The following KCNQ1 variants were observed in gnomAD, a reference collection of about 807,000 sequenced individuals.
The protein encoded by KCNQ1 is potassium voltage-gated channel subfamily Q member 1.
KCNQ1 carries 49 observed loss-of-function variants against 72.4 expected under a neutral mutation model. The observed-to-expected ratio is 0.68, with a 90% confidence interval of 0.54 to 0.86. The LOEUF (loss-of-function observed/expected upper bound fraction) is 0.86. Among genes scored for constraint, KCNQ1 ranks in the 40% least tolerant of loss-of-function variants. KCNQ1 has a pLI of 0.00. For synonymous variants in KCNQ1, 450 were observed against 412.6 expected, an observed-to-expected ratio of 1.09 and a Z score of -1.10; for missense variants, 790 against 945.1, an observed-to-expected ratio of 0.84 and a Z score of 2.15.
Position 2,550,361 on chromosome 11 carries a change from G to A in KCNQ1, c.478-20267G>A, listed in dbSNP as rs535503447. ...GTCACCCCTCACACCCCCTGCTAGG[G>A]TCCCTCTGGGGGTTGAATGAAAAGG... On this transcript the variant is annotated intron_variant, in intron 2 of 15. Transcript: ENST00000155840. This position sits in a 1 kb window ranked among gnomAD's most constrained non-coding sequence, Gnocchi z 6.0. Among the ~76,000 whole-genome samples the A allele has an allele frequency of 6.6e-6, 1 of 152,298 alleles. No individual in the cohort carries two copies. Among genetic ancestry groups the A allele is most frequent in the South Asian group, 2.1e-4 (1 of 4,826 alleles).
In KCNQ1 at chr11:2,781,570, C is replaced by G. The variant is rs1003298251; in HGVS notation, c.1794+3533C>G. Among the ~76,000 whole-genome samples the G allele has an allele frequency of 2.6e-5, 4 of 152,230 alleles. No homozygotes were observed. The highest frequency in any genetic ancestry group is 1.3e-4 in the Admixed American group (2 of 15,284). On this transcript the variant is annotated intron_variant, in intron 15 of 15. Coordinates refer to ENST00000155840, the MANE Select transcript of KCNQ1 (RefSeq NM_000218.3). The surrounding 1 kb of genome is among the most constrained non-coding windows in gnomAD (Gnocchi z 6.6). ...TGAAGTCCCACACAGGGCTGGCAGT[C>G]TGTGTGGGGGCTGCATACCCCAGAC...
At chr11:2,635,856 T>A (rs1306458036) in intron 10 of KCNQ1, 1 of 152,164 alleles carries the variant, frequency 6.6e-6, no homozygotes, top group African/African-American at 2.4e-5. Flanking sequence ...TCTTTTATTT[T>A]GTTCAGCAGT....
At chr11:2,558,425 CG>C (rs57907758) in intron 2 of KCNQ1, among the ~76,000 whole-genome samples, 1 of 152,058 alleles carries the variant, frequency 6.6e-6, no homozygotes, top group African/African-American at 2.4e-5. Context: ...GGTCTCCAGG[CG>C]GGGGGGTCCA....
At chr11:2,591,445 G>A (rs559978634) in intron 10 of KCNQ1, among the ~76,000 whole-genome samples, 5 of 152,320 alleles carry the variant, frequency 3.3e-5, no homozygotes, top group African/African-American at 9.6e-5. Flanking sequence ...CGCTGGAGCC[G>A]GCACAAAGGG....
chr11:2,814,069 A>G (rs1847552885), intron 15 of KCNQ1, among the ~76,000 whole-genome samples: 1 of 148,246 alleles, frequency 6.7e-6, no homozygotes, highest in African/African-American at 2.5e-5. Flanking sequence ...ATGAATGGTT[A>G]AAGAGGTGGA....
rs534958568 is a variant in KCNQ1, at chr11:2,664,916, C to G, written c.1514+2835C>G. On this transcript the variant is annotated intron_variant, in intron 11 of 15. Coordinates refer to ENST00000155840, the MANE Select transcript of KCNQ1 (RefSeq NM_000218.3). The surrounding 1 kb of genome is among the most constrained non-coding windows in gnomAD (Gnocchi z 5.1). The stretch of plus-strand genomic sequence containing the variant: ...CATTTTGTTTCCATCTCGAGCTCTC[C>G]CCGCCCGCAGGGCCCCAGAGAGGTG... 7.5e-6 allele frequency: 3 copies of G among 398,626 alleles called. No homozygotes were observed. The East Asian group carries it at 1.1e-4, about 14-fold the overall frequency. 24.7% of individuals were successfully genotyped at this position (398,626 alleles called of 1,614,324 possible).
Position 2,849,105 on chromosome 11 carries a change from A to G in KCNQ1, c.*1102A>G. The G allele has an allele frequency of 4.4e-6, 2 of 452,944 alleles. No individual in the cohort carries two copies. The highest frequency in any genetic ancestry group is 3.1e-5 in the South Asian group (2 of 64,452). 28.1% of individuals were successfully genotyped at this position (452,944 alleles called of 1,614,324 possible). A position where few individuals can be genotyped will look rare whatever the true frequency, so the allele number is the denominator to read the frequency against. On this transcript the variant is annotated 3_prime_UTR_variant, in exon 16 of 16. Coordinates refer to ENST00000155840, the MANE Select transcript of KCNQ1 (RefSeq NM_000218.3). ...GTGCCCAGGTGGCTGTGGAATAGGA[A>G]CGCTATGTCCGTGTACTGAGGAGTA...
In KCNQ1 at chr11:2,477,330, T is replaced by TAA. The variant is rs1846585170; in HGVS notation, c.386+31847_386+31848insAA. 6.6e-6 allele frequency among the ~76,000 whole-genome samples: 1 copy of TAA among 152,222 alleles called. No homozygotes were observed. Among genetic ancestry groups the TAA allele is most frequent in the Non-Finnish European group, 1.5e-5 (1 of 68,038 alleles). On this transcript the variant is annotated intron_variant, in intron 1 of 15. Transcript: ENST00000155840. This position sits in a 1 kb window ranked among gnomAD's most constrained non-coding sequence, Gnocchi z 5.0. Reference sequence around the variant, plus strand: ...GGGATCAAAGGTAGGAAATGCTCTTTACAAAGTCATCAAAAAGTTTTTTCT... The same window carrying TAA: ...GGGATCAAAGGTAGGAAATGCTCTTTAAACAAAGTCATCAAAAAGTTTTTTCT...
chr11:2,724,355 G>C lies in KCNQ1; in HGVS notation c.1515-44489G>C, dbSNP rs927705217. ...CAGGAGTGACAGCGTCCTCCCGCCC[G>C]GATTGGGTTTCTGCACAGTGGAATG... On this transcript the variant is annotated intron_variant, in intron 11 of 15. Coordinates refer to ENST00000155840, the MANE Select transcript of KCNQ1 (RefSeq NM_000218.3). The surrounding 1 kb of genome is among the most constrained non-coding windows in gnomAD (Gnocchi z 6.8). Among the ~76,000 whole-genome samples the C allele has an allele frequency of 6.6e-6, 1 of 152,162 alleles. No homozygotes were observed. The highest frequency in any genetic ancestry group is 1.5e-5 in the Non-Finnish European group (1 of 68,006).
chr11:2,635,719 G>A (rs1849453892), intron 10 of KCNQ1: 1 of 152,168 alleles, frequency 6.6e-6, no homozygotes, highest in Non-Finnish European at 1.5e-5. Flanking sequence ...ATTCTGTGAA[G>A]AAAGTCATTG....
At chr11:2,590,092 G>A (rs977986726) in intron 10 of KCNQ1, among the ~76,000 whole-genome samples, 1 of 152,194 alleles carries the variant, frequency 6.6e-6, no homozygotes, top group Non-Finnish European at 1.5e-5. Context: ...AAATTCTCTA[G>A]CAGCTCTCTT....
At chr11:2,760,979 G>A (rs868639465) in intron 11 of KCNQ1, among the ~76,000 whole-genome samples, 6 of 152,232 alleles carry the variant, frequency 3.9e-5, no homozygotes, top group Admixed American at 6.5e-5. Context: ...GACAGCTTGC[G>A]TTAGTCAGCT....
rs923098690 is a variant in KCNQ1 at position 2,446,849 on chromosome 11, C to T, written c.386+1365C>T. Among the ~76,000 whole-genome samples, 19 of 152,308 alleles carry T rather than the reference C, an allele frequency of 1.2e-4. No individual in the cohort carries two copies. The highest frequency in any genetic ancestry group is 2.1e-4 in the South Asian group (1 of 4,832). On this transcript the variant is annotated intron_variant, in intron 1 of 15. Transcript: ENST00000155840. The surrounding 1 kb of genome is among the most constrained non-coding windows in gnomAD (Gnocchi z 8.8). ...CTGGCTCTGCTCGTGGCTGCAACAG[C>T]GGGGGCTCGGCTTGGGGTTTGGGAG... is the stretch of plus-strand genomic sequence containing the variant.
chr11:2,817,932 G>A lies in KCNQ1; in HGVS notation c.1795-29835G>A, dbSNP rs1200454080. Among the ~76,000 whole-genome samples the A allele has an allele frequency of 6.6e-6, 1 of 152,154 alleles. No individual in the cohort carries two copies. Among genetic ancestry groups the A allele is most frequent in the Non-Finnish European group, 1.5e-5 (1 of 68,040 alleles). ...CACATTTGCATTTTAAAAGCCCTGA[G>A]AAGGCCTGCAGTGAAAAAAACTAAC... On this transcript the variant is annotated intron_variant, in intron 15 of 15. Coordinates refer to ENST00000155840, the MANE Select transcript of KCNQ1 (RefSeq NM_000218.3). This position sits in a 1 kb window ranked among gnomAD's most constrained non-coding sequence, Gnocchi z 6.1.
intron 15 of KCNQ1, among the ~76,000 whole-genome samples, chr11:2,780,074 C>T (rs79171114): frequency 0.02 from 3,106 of 152,244 alleles, 110 homozygotes; most frequent in African/African-American, 0.07. Context: ...AGTCCTCTGC[C>T]TGGGGTCTCT....
Position 2,818,278 on chromosome 11 carries a change from G to A in KCNQ1, c.1795-29489G>A, listed in dbSNP as rs755486837. On this transcript the variant is annotated intron_variant, in intron 15 of 15. Coordinates refer to ENST00000155840, the MANE Select transcript of KCNQ1 (RefSeq NM_000218.3). The surrounding 1 kb of genome is among the most constrained non-coding windows in gnomAD (Gnocchi z 7.2). Reference sequence around the variant, plus strand: ...TTGTGCCCTTGTCACCCACTCCTGTGGGTACACAGCTTCCCTTTCTGCAAA... The same window carrying A: ...TTGTGCCCTTGTCACCCACTCCTGTAGGTACACAGCTTCCCTTTCTGCAAA... Among the ~76,000 whole-genome samples, 343 of 152,300 alleles carry A rather than the reference G, an allele frequency of 2.3e-3. 1 individual carries two copies. Among genetic ancestry groups the A allele is most frequent in the Non-Finnish European group, 3.4e-3 (231 of 68,022 alleles).
rs898882682 is a variant in KCNQ1, at chr11:2,478,615, G to T, written c.386+33131G>T. On this transcript the variant is annotated intron_variant, in intron 1 of 15. Transcript: ENST00000155840. The surrounding 1 kb of genome is among the most constrained non-coding windows in gnomAD (Gnocchi z 4.0). The stretch of plus-strand genomic sequence containing the variant: ...CCCCCATGATTCAATTATCTCCCAC[G>T]AGGTCCCTCCCATGACACGTGGGAA... 1.3e-5 allele frequency among the ~76,000 whole-genome samples: 2 copies of T among 151,950 alleles called. No homozygotes were observed. Among genetic ancestry groups the T allele is most frequent in the East Asian group, 3.9e-4 (2 of 5,174 alleles).
chr11:2,632,398 A>G (rs1849375213), intron 10 of KCNQ1: 1 of 398,270 alleles, frequency 2.5e-6, no homozygotes, highest in South Asian at 1.3e-4. Context: ...AGCCACTACT[A>G]TGTTTAATAT....
At position 2,642,719 on chromosome 11, in the gene KCNQ1, T is replaced by C. The variant is rs1590000173; in HGVS notation, c.1394-19242T>C. 2.5e-6 allele frequency: 1 copy of C among 397,912 alleles called. No homozygotes were observed. Among genetic ancestry groups the C allele is most frequent in the East Asian group, 3.6e-5 (1 of 27,928 alleles). 24.6% of individuals were successfully genotyped at this position (397,912 alleles called of 1,614,324 possible). A position where few individuals can be genotyped will look rare whatever the true frequency, so the allele number is the denominator to read the frequency against. Reference sequence around the variant, plus strand: ...TACTAATTTTATGTTTAGTATGGTTTGTTCTTGCTTTTCTGGTTCCTTCAG... The same window carrying C: ...TACTAATTTTATGTTTAGTATGGTTCGTTCTTGCTTTTCTGGTTCCTTCAG... On this transcript the variant is annotated intron_variant, in intron 10 of 15. Coordinates refer to ENST00000155840, the MANE Select transcript of KCNQ1 (RefSeq NM_000218.3). The surrounding 1 kb of genome is among the most constrained non-coding windows in gnomAD (Gnocchi z 4.3).
Sources: allele counts gnomAD v4.1 joint callset (sites outside exome capture counted in the v4.1 genomes callset), GRCh38; gene constraint gnomAD v4.1.1; non-coding constraint Gnocchi (gnomAD v3.1); transcripts MANE v1.5; gene names NCBI Gene and HGNC (gene_info 2026-07-23, HGNC 2026-07-21).